CADPS2: variants seen among roughly 807,000 people sequenced by gnomAD.
CADPS2 encodes the protein calcium dependent secretion activator 2, also known as calcium-dependent secretion activator 2.
In CADPS2, 93 loss-of-function variants were observed where a neutral mutation model predicts 172.5. The observed-to-expected ratio is 0.54, with a 90% confidence interval of 0.46 to 0.64. The LOEUF is 0.64. CADPS2 is among the 30% of genes least tolerant of loss of function. The probability of loss-of-function intolerance (pLI) is 0.00; values close to 1 mark genes in which losing one functional copy is unlikely to be tolerated. For missense variants in CADPS2, 1,420 were observed against 1,565.9 expected, an observed-to-expected ratio of 0.91 and a Z score of 1.57; for synonymous variants, 546 against 555.2, an observed-to-expected ratio of 0.98 and a Z score of 0.23.
In CADPS2 at chr7:122,702,796, C is replaced by T. The variant is rs567549258; in HGVS notation, c.453+34159G>A. ...AGACAAACATGAGAAAACAAAACAA[C>T]ATCAGTTGTAGAAGAACATAAAGAA... On this transcript the variant is annotated intron_variant, in intron 2 of 29. Transcript: ENST00000449022. 111 of 1,387,308 alleles carry T rather than the reference C, an allele frequency of 8.0e-5. 1 individual carries two copies. The highest frequency in any genetic ancestry group is 7.3e-4 in the East Asian group (30 of 41,078). The allele number at this position is 1,387,308 out of a possible 1,614,324, so 85.9% of individuals were successfully genotyped here.
intron 5 of CADPS2, 67 bp downstream of exon 5, chr7:122,621,414 G>T: frequency 9.6e-7 from 1 of 1,038,844 alleles, no homozygotes. Context: ...TACTGCAAAG[G>T]TCAACAGAAA....
intron 28 of CADPS2, among the ~76,000 whole-genome samples, chr7:122,344,660 T>A (rs951432122): frequency 2.0e-5 from 3 of 152,198 alleles, no homozygotes; most frequent in African/African-American, 4.8e-5. Flanking sequence ...AACAGTAGAA[T>A]ATCATATTGA....
chr7:122,785,139 G>A (rs1302354481), intron 1 of CADPS2, among the ~76,000 whole-genome samples: 1 of 152,116 alleles, frequency 6.6e-6, no homozygotes, highest in Non-Finnish European at 1.5e-5. Context: ...TAGGAATCAT[G>A]CTTAAAATGT....
chr7:122,720,147 T>C (rs2090187104), intron 2 of CADPS2, among the ~76,000 whole-genome samples: 1 of 152,082 alleles, frequency 6.6e-6, no homozygotes, highest in Admixed American at 6.6e-5. Context: ...AACGTCATAC[T>C]AAAAGTGTCA....
chr7:122,372,409 C>A (rs1409460924), intron 25 of CADPS2, among the ~76,000 whole-genome samples: 1 of 152,080 alleles, frequency 6.6e-6, no homozygotes, highest in African/African-American at 2.4e-5. Context: ...AGGCCAAGAC[C>A]TTTTCTAGGC....
chr7:122,374,880 G>A (rs961810096), intron 25 of CADPS2, among the ~76,000 whole-genome samples: 1 of 152,162 alleles, frequency 6.6e-6, no homozygotes, highest in East Asian at 1.9e-4. Context: ...ATTTTAAAAA[G>A]TCATTCATAT....
chr7:122,635,820 C>CTT (rs1034524911), intron 3 of CADPS2, among the ~76,000 whole-genome samples: 4 of 152,180 alleles, frequency 2.6e-5, no homozygotes, highest in African/African-American at 9.7e-5. Context: ...ATAGTTAAGT[C>CTT]TTCCTGTTGA....
chr7:122,736,854 T>G lies in CADPS2; in HGVS notation c.453+101A>C, dbSNP rs189877458. ...AAAGGTTGCAAATTCACAGCCTTCC[T>G]GTCAGACCAGCAAGCTTCTTTAAAA... On this transcript the variant is annotated intron_variant, in intron 2 of 29. Coordinates refer to ENST00000449022, the MANE Select transcript of CADPS2 (RefSeq NM_017954.11). 6.2e-6 allele frequency: 4 copies of G among 644,592 alleles called. No homozygotes were observed. In the Admixed American group the frequency reaches 1.2e-4, roughly 19 times the overall value. The allele number at this position is 644,592 out of a possible 1,614,324, so 39.9% of individuals were successfully genotyped here. A position where few individuals can be genotyped will look rare whatever the true frequency, so the allele number is the denominator to read the frequency against.
chr7:122,548,049 T>C (rs2063804269), intron 8 of CADPS2, among the ~76,000 whole-genome samples: 1 of 152,074 alleles, frequency 6.6e-6, no homozygotes, highest in African/African-American at 2.4e-5. Context: ...GAGTCAGCTG[T>C]TTAGGTTTAT....
At chr7:122,647,610 T>G (rs2078702359) in intron 3 of CADPS2, among the ~76,000 whole-genome samples, 1 of 152,200 alleles carries the variant, frequency 6.6e-6, no homozygotes, top group Non-Finnish European at 1.5e-5. Flanking sequence ...ATTTAACTTT[T>G]TTCTAGTTTA....
chr7:122,503,355 A>T (rs1475385720), intron 9 of CADPS2, among the ~76,000 whole-genome samples: 1 of 152,144 alleles, frequency 6.6e-6, no homozygotes, highest in East Asian at 1.9e-4. Flanking sequence ...CAATGATTGC[A>T]AGTAGATATA....
intron 1 of CADPS2, among the ~76,000 whole-genome samples, chr7:122,824,327 T>G (rs1039636805): frequency 6.6e-6 from 1 of 152,196 alleles, no homozygotes; most frequent in Non-Finnish European, 1.5e-5. Flanking sequence ...ATAAGGTCCA[T>G]GCTTTTAACC....
chr7:122,335,713 C>A (rs1278668505), intron 28 of CADPS2, among the ~76,000 whole-genome samples: 2 of 152,084 alleles, frequency 1.3e-5, no homozygotes, highest in African/African-American at 4.8e-5. Context: ...TGACAGAGAA[C>A]ACTTTGAGAA....
chr7:122,553,433 T>C (rs1320618884), intron 8 of CADPS2, among the ~76,000 whole-genome samples: 2 of 152,160 alleles, frequency 1.3e-5, no homozygotes, highest in Non-Finnish European at 2.9e-5. Context: ...AGATGCATAA[T>C]GTTGTTTATC....
intron 1 of CADPS2, among the ~76,000 whole-genome samples, chr7:122,759,267 G>T (rs1392299434): frequency 1.3e-5 from 2 of 152,192 alleles, no homozygotes; most frequent in Admixed American, 6.6e-5. Context: ...AATTATTATG[G>T]CCCTGAGTAA....
intron 14 of CADPS2, among the ~76,000 whole-genome samples, chr7:122,454,913 G>A (rs1262774544): frequency 4.6e-5 from 7 of 152,014 alleles, no homozygotes; most frequent in African/African-American, 1.4e-4. Context: ...GAGTACGCAG[G>A]CAGCCTCTTG....
At chr7:122,629,050 G>C (rs1432884421) in intron 4 of CADPS2, among the ~76,000 whole-genome samples, 198 bp downstream of exon 4, 1 of 151,926 alleles carries the variant, frequency 6.6e-6, no homozygotes, top group East Asian at 1.9e-4. Context: ...TTAAGGATGA[G>C]TACGTAAAAT....
chr7:122,551,531 G>T (rs929558187), intron 8 of CADPS2, among the ~76,000 whole-genome samples: 1 of 151,970 alleles, frequency 6.6e-6, no homozygotes, highest in Non-Finnish European at 1.5e-5. Flanking sequence ...AATAGTTCAC[G>T]CAAGAAAGAT....
At chr7:122,801,146 G>T (rs2139948760) in intron 1 of CADPS2, among the ~76,000 whole-genome samples, 1 of 152,202 alleles carries the variant, frequency 6.6e-6, no homozygotes, top group South Asian at 2.1e-4. Context: ...ATAAGCCAAA[G>T]CAATACTCAA....
Sources: gnomAD v4.1 joint callset for allele counts (sites outside exome capture counted in the v4.1 genomes callset) on GRCh38, gnomAD v4.1.1 for gene constraint, MANE v1.5 for transcripts, NCBI Gene and HGNC (gene_info 2026-07-23, HGNC 2026-07-21) for gene names.